The following SYNE1 variants were observed in gnomAD, a reference collection of about 807,000 sequenced individuals.
The protein encoded by SYNE1 is nesprin-1.
In SYNE1, 616 loss-of-function variants were observed where a neutral mutation model predicts 1,111.0. That is an observed-to-expected ratio of 0.55 (90% CI 0.52 to 0.59). SYNE1 has a LOEUF of 0.59. SYNE1 is among the 20% of genes least tolerant of loss of function. SYNE1 has a pLI of 0.00. For synonymous variants in SYNE1, 3,855 were observed against 3,825.8 expected (o/e 1.01, Z -0.28); for missense variants, 10,006 against 10,417.0 (o/e 0.96, Z 1.72).
chr6:152,134,869 C>T, intron 142 of SYNE1: 2 of 516,868 alleles, frequency 3.9e-6, no homozygotes, highest in South Asian at 2.2e-5. Flanking sequence ...AAGATTTTTA[C>T]AACTGAGCAA....
Position 152,363,621 on chromosome 6 carries a change from T to C in SYNE1, c.10145+1226A>G, listed in dbSNP as rs2096989757. 10 of 333,790 alleles carry C rather than the reference T, an allele frequency of 3.0e-5. No homozygotes were observed. The Admixed American group carries it at 3.3e-4, about 11-fold the overall frequency. 20.7% of individuals were successfully genotyped at this position (333,790 alleles called of 1,614,324 possible). On this transcript the variant is annotated intron_variant, in intron 63 of 145. Coordinates refer to ENST00000367255, the MANE Select transcript of SYNE1 (RefSeq NM_182961.4). ...TTGGGTCCTTTTGTAGCAGACACTG[T>C]AAGTGCTCCATCCATCCACACCCCC...
At chr6:152,635,348 G>T in intron 2 of SYNE1, among the ~76,000 whole-genome samples, 1 of 152,144 alleles carries the variant, frequency 6.6e-6, no homozygotes, top group East Asian at 1.9e-4. Context: ...TTAATCTTCA[G>T]CATGAAACAT....
intron 34 of SYNE1, among the ~76,000 whole-genome samples, chr6:152,431,511 A>G (rs900144074): frequency 6.6e-6 from 1 of 152,226 alleles, no homozygotes; most frequent in African/African-American, 2.4e-5. Flanking sequence ...GCATGTGCAC[A>G]TGTGTTTATG....
chr6:152,201,209 T>A lies in SYNE1; in HGVS notation c.23145+615A>T, dbSNP rs79672608. 3.6e-3 allele frequency among the ~76,000 whole-genome samples: 550 copies of A among 152,252 alleles called. 3 individuals are homozygous for A. The highest frequency in any genetic ancestry group is 0.012 in the African/African-American group (514 of 41,550). On this transcript the variant is annotated intron_variant, in intron 127 of 145. Transcript: ENST00000367255. ...GCTACAAAGATGTGAAAGGCATGAA[T>A]CTTATAGCCACTGAATTGTGTTGGT...
intron 131 of SYNE1, 141 bp downstream of exon 131, chr6:152,164,022 A>C: frequency 8.6e-7 from 1 of 1,164,574 alleles, no homozygotes; most frequent in African/African-American, 1.5e-5. Context: ...CTGCCTAGGC[A>C]AAGCCCCCTT....
At chr6:152,597,707 A>G (rs1248203439) in intron 3 of SYNE1, among the ~76,000 whole-genome samples, 2 of 152,168 alleles carry the variant, frequency 1.3e-5, no homozygotes, top group Admixed American at 1.3e-4. Context: ...ACTTGTAATG[A>G]ATTCTTTCTT....
chr6:152,613,126 T>C (rs973050355), intron 3 of SYNE1, among the ~76,000 whole-genome samples: 3 of 152,158 alleles, frequency 2.0e-5, no homozygotes, highest in African/African-American at 7.2e-5. Flanking sequence ...CTATTCAACA[T>C]AGTGTTGGAA....
At chr6:152,604,033 ATATG>A (rs998621273) in intron 3 of SYNE1, among the ~76,000 whole-genome samples, 17 of 150,434 alleles carry the variant, frequency 1.1e-4, no homozygotes, top group South Asian at 2.1e-4. Context: ...TAGAACATAT[ATATG>A]TATGTATGTT....
At chr6:152,213,834 T>C (rs1008033619) in intron 122 of SYNE1, 75 bp from the exon 123 acceptor site, 3 of 1,582,696 alleles carry the variant, frequency 1.9e-6, no homozygotes, top group East Asian at 2.2e-5. Context: ...AAAACTAGAT[T>C]AAATAATCTC....
chr6:152,567,339 C>T (rs818450), intron 3 of SYNE1, among the ~76,000 whole-genome samples: 9,253 of 151,906 alleles, frequency 0.061, 398 homozygotes, highest in East Asian at 0.18. Context: ...CTGTTAATAA[C>T]TCAGCCAATG....
chr6:152,387,192 G>T lies in SYNE1; in HGVS notation c.8367C>A (p.Ala2789=). ...ILSEAEDHTR[A]LHRLIAKSRE... ...TGGACTTCGCAATTAGACGGTGAAG[G>T]GCTCTCGTGTGATCTTCTGCCTCAG... is the stretch of plus-strand genomic sequence containing the variant. Residue 2789 remains alanine, a synonymous_variant, in exon 54 of 146, where the codon GCC becomes GCA. Coordinates refer to ENST00000367255, the MANE Select transcript of SYNE1 (RefSeq NM_182961.4). The T allele has an allele frequency of 6.2e-7, 1 of 1,614,106 alleles. No individual in the cohort carries two copies. Among genetic ancestry groups the T allele is most frequent in the Non-Finnish European group, 8.5e-7 (1 of 1,180,006 alleles).
In SYNE1 at chr6:152,156,532, G is replaced by A. The variant is rs2061404275; in HGVS notation, c.23791-435C>T. 2.6e-5 allele frequency among the ~76,000 whole-genome samples: 4 copies of A among 152,240 alleles called. No individual in the cohort carries two copies. The South Asian group carries it at 8.3e-4, about 32-fold the overall frequency. On this transcript the variant is annotated intron_variant, in intron 131 of 145. Coordinates refer to ENST00000367255, the MANE Select transcript of SYNE1 (RefSeq NM_182961.4). ...GCTTAAGTCCTTGATATTGAATGCT[G>A]TAGTATTTGCATACCTCCTACACAC...
chr6:152,399,648 C>T lies in SYNE1; in HGVS notation c.7205G>A (p.Ser2402Asn), dbSNP rs1014272403. Residue 2402 changes from serine (S) to asparagine (N), a missense_variant, in exon 48 of 146, where the codon AGC becomes AAC. This residue lies in a region of SYNE1 where 4,955 missense variants were observed against 5,017.2 expected (regional missense o/e 0.99). Transcript: ENST00000367255. ...VSQLCSKTQASLQESLEKHFS... is the reference protein window; with the variant it reads ...VSQLCSKTQANLQESLEKHFS... ...GTGTTTTTCCAGAGATTCCTGCAGG[C>T]TGGCCTGGGTTTTGGAGCACAACTG... is the stretch of plus-strand genomic sequence containing the variant. 1 of 1,614,158 alleles carries T rather than the reference C, an allele frequency of 6.2e-7. No homozygotes were observed. Among genetic ancestry groups the T allele is most frequent in the Non-Finnish European group, 8.5e-7 (1 of 1,180,012 alleles).
chr6:152,429,428 C>T (rs1201856233), intron 36 of SYNE1, among the ~76,000 whole-genome samples: 6 of 152,148 alleles, frequency 3.9e-5, no homozygotes, highest in Admixed American at 3.9e-4. Context: ...AAAGTGTATT[C>T]TCATTATCAA....
chr6:152,360,406 C>G (rs1286224302), intron 64 of SYNE1, among the ~76,000 whole-genome samples: 2 of 152,186 alleles, frequency 1.3e-5, no homozygotes, highest in Non-Finnish European at 2.9e-5. Flanking sequence ...CCTCCCCAGG[C>G]TCATTTCTCT....
rs373660055 is a variant in SYNE1 at position 152,502,710 on chromosome 6, T to G, written c.811A>C (p.Ile271Leu). 4 of 1,613,666 alleles carry G rather than the reference T, an allele frequency of 2.5e-6. No individual in the cohort carries two copies. The East Asian group carries it at 8.9e-5, about 36-fold the overall frequency. The change falls in exon 10 of 146, where the codon ATT becomes CTT. Residue 271 changes from isoleucine (I) to leucine (L), a missense_variant. Ile to Leu is a conservative substitution (Grantham distance 5). Transcript: ENST00000367255. ...AGAAACTGGGCTACATAGGTCATAA[T>G]AGATTTCTCATCTGGTTTATCCACA... ...VDVDKPDEKS[I>L]MTYVAQFLKH...
rs559490364 is a variant in SYNE1, at chr6:152,455,433, C to T, written c.2885G>A (p.Arg962Lys). The change falls in exon 24 of 146, where the codon AGA becomes AAA. Residue 962 changes from arginine (R) to lysine (K), a missense_variant. Arg to Lys is a conservative substitution (Grantham distance 26). Coordinates refer to ENST00000367255, the MANE Select transcript of SYNE1 (RefSeq NM_182961.4). ...CCTAAAGGGTGGACTCACAGTGTGTCTCCGCAGGAGCTCCTCTGGATCCCC... is the reference window on the plus strand; with the variant it reads ...CCTAAAGGGTGGACTCACAGTGTGTTTCCGCAGGAGCTCCTCTGGATCCCC... ...EKGDPEELLRRHTEFFSQLDQ... is the reference protein window; with the variant it reads ...EKGDPEELLRKHTEFFSQLDQ... The T allele has an allele frequency of 6.2e-7, 1 of 1,613,884 alleles. No homozygotes were observed. Among genetic ancestry groups the T allele is most frequent in the African/African-American group, 1.3e-5 (1 of 75,038 alleles).
chr6:152,301,774 G>C (rs933038518), intron 92 of SYNE1, 95 bp downstream of exon 92: 4 of 1,333,214 alleles, frequency 3.0e-6, no homozygotes, highest in Non-Finnish European at 3.0e-6. Context: ...AAGATCGAAG[G>C]CTGGTCCCTG....
rs1209590450 is a variant in SYNE1 at position 152,415,789 on chromosome 6, T to TAAAAAAAA, written c.6050+590_6050+597dup. Among the ~76,000 whole-genome samples the TAAAAAAAA allele has an allele frequency of 6.7e-4, 49 of 73,014 alleles. 1 individual carries two copies. Among genetic ancestry groups the TAAAAAAAA allele is most frequent in the African/African-American group, 1.5e-3 (26 of 17,120 alleles). The allele number at this position is 73,014 out of a possible 152,430, so 47.9% of individuals were successfully genotyped here. On this transcript the variant is annotated intron_variant, in intron 41 of 145. Coordinates refer to ENST00000367255, the MANE Select transcript of SYNE1 (RefSeq NM_182961.4). ...GTCGTTAATCTTATCTTCAAAGTGG[T>TAAAAAAAA]AAAAAAAAAAAAAAAAAAAAAAAAA...
Sources: allele counts gnomAD v4.1 joint callset (sites outside exome capture counted in the v4.1 genomes callset), GRCh38; gene constraint gnomAD v4.1.1; regional missense constraint gnomAD v4.1.1; transcripts MANE v1.5; gene names NCBI Gene and HGNC (gene_info 2026-07-23, HGNC 2026-07-21).